CSPP1: variants seen among roughly 807,000 people sequenced by gnomAD.
The protein encoded by CSPP1 is centrosome and spindle pole-associated protein 1.
Under a neutral mutation model 164.4 loss-of-function variants are expected in CSPP1, and 126 were observed. That is an observed-to-expected ratio of 0.77 (90% CI 0.66 to 0.89). CSPP1 has a LOEUF of 0.89. CSPP1 is among the 40% of genes least tolerant of loss of function. The probability of loss-of-function intolerance (pLI) is 0.00; values close to 1 mark genes in which losing one functional copy is unlikely to be tolerated. For synonymous variants in CSPP1, 472 were observed against 476.7 expected (o/e 0.99, Z 0.13); for missense variants, 1,395 against 1,449.8 (o/e 0.96, Z 0.61).
intron 9 of CSPP1, among the ~76,000 whole-genome samples, chr8:67,107,048 T>G (rs1333025977): frequency 7.0e-6 from 1 of 142,220 alleles, no homozygotes; most frequent in Non-Finnish European, 1.5e-5. Context: ...TTATGTTTTG[T>G]TTTTTTTTTT....
intron 30 of CSPP1, 116 bp from the exon 31 acceptor site, chr8:67,195,266 A>G (rs1448298086): frequency 1.3e-6 from 1 of 758,098 alleles, no homozygotes; most frequent in Non-Finnish European, 2.4e-6. Flanking sequence ...AGAGTTCAGG[A>G]TATGAGACTG....
At position 67,076,542 on chromosome 8, in the gene CSPP1, A is replaced by G; in HGVS notation, c.160A>G (p.Asn54Asp). The G allele has an allele frequency of 6.2e-7, 1 of 1,603,364 alleles. No homozygotes were observed. The highest frequency in any genetic ancestry group is 8.5e-7 in the Non-Finnish European group (1 of 1,175,284). Reference protein sequence around the residue: ...SKILISMAKENIPPNSQQTRG... With the variant: ...SKILISMAKEDIPPNSQQTRG... ...GATACTGATCTCTATGGCTAAGGAA[A>G]ACATACCACCAAATAGTCAACAGAC... is the stretch of plus-strand genomic sequence containing the variant. The change falls in exon 3 of 31, where the codon AAC (asparagine) becomes GAC (aspartate). Residue 54 changes from asparagine to aspartate, a missense_variant. Physicochemically the swap from Asn to Asp is conservative, Grantham distance 23. Transcript: ENST00000678616.
At chr8:67,098,782 C>A (rs1364248361) in intron 7 of CSPP1, among the ~76,000 whole-genome samples, 1 of 151,810 alleles carries the variant, frequency 6.6e-6, no homozygotes, top group African/African-American at 2.4e-5. Context: ...TTACTTTAAC[C>A]AATGTTAATG....
intron 17 of CSPP1, among the ~76,000 whole-genome samples, chr8:67,141,728 T>C (rs1823546945): frequency 6.6e-6 from 1 of 152,150 alleles, no homozygotes; most frequent in African/African-American, 2.4e-5. Flanking sequence ...ACCATGTTGG[T>C]GGTCTTGAAC....
intron 19 of CSPP1, among the ~76,000 whole-genome samples, chr8:67,156,473 G>A (rs1826688593): frequency 6.6e-6 from 1 of 152,142 alleles, no homozygotes; most frequent in Non-Finnish European, 1.5e-5. Flanking sequence ...ATCTGTGAAT[G>A]GATTGCTTTC....
rs1004644700 is a variant in CSPP1 at position 67,164,657 on chromosome 8, G to A, written c.2828+149G>A. ...TTCTTTGTCTTTTACAAAATCAGCT[G>A]TAGAAATTTAGTTCTCAAGGGGATT... On this transcript the variant is annotated intron_variant, in intron 24 of 30. Coordinates refer to ENST00000678616, the MANE Select transcript of CSPP1 (RefSeq NM_001382391.1). 4 of 519,336 alleles carry A rather than the reference G, an allele frequency of 7.7e-6. No homozygotes were observed. In the Admixed American group the frequency reaches 8.7e-5, roughly 11 times the overall value. The allele number at this position is 519,336 out of a possible 1,614,324, so 32.2% of individuals were successfully genotyped here.
In CSPP1 at chr8:67,093,481, A is replaced by G. The variant is rs1177188520; in HGVS notation, c.385-62A>G. Reference sequence around the variant, plus strand: ...TTCAGATTTGACATTCTGATAGGACATTGAGGGATTTTTTTTTCCTGAAGT... The same window carrying G: ...TTCAGATTTGACATTCTGATAGGACGTTGAGGGATTTTTTTTTCCTGAAGT... On this transcript the variant is annotated intron_variant, in intron 5 of 30. Transcript: ENST00000678616. The G allele has an allele frequency of 1.1e-5, 11 of 987,640 alleles. No individual in the cohort carries two copies. The East Asian group carries it at 2.4e-4, about 22-fold the overall frequency. 61.2% of individuals were successfully genotyped at this position (987,640 alleles called of 1,614,324 possible). A position where few individuals can be genotyped will look rare whatever the true frequency, so the allele number is the denominator to read the frequency against.
At chr8:67,167,435 C>T (rs532806762) in intron 24 of CSPP1, among the ~76,000 whole-genome samples, 8 of 146,440 alleles carry the variant, frequency 5.5e-5, no homozygotes, top group East Asian at 2.1e-4. Flanking sequence ...GCTGGCCGGG[C>T]GGGGGCTGCC....
chr8:67,164,687 T>A (rs1828980146), intron 24 of CSPP1, among the ~76,000 whole-genome samples, 179 bp downstream of exon 24: 2 of 152,240 alleles, frequency 1.3e-5, no homozygotes, highest in South Asian at 4.1e-4. Flanking sequence ...GGGATTCATG[T>A]AGGAATGGAA....
chr8:67,080,008 T>G (rs746109727), intron 3 of CSPP1, among the ~76,000 whole-genome samples: 3 of 152,226 alleles, frequency 2.0e-5, no homozygotes, highest in Non-Finnish European at 2.9e-5. Flanking sequence ...ACATGGAATT[T>G]TATTAAAGAA....
chr8:67,091,346 T>G (rs1811566849), intron 4 of CSPP1, among the ~76,000 whole-genome samples: 1 of 152,210 alleles, frequency 6.6e-6, no homozygotes, highest in Admixed American at 6.5e-5. Flanking sequence ...TTTATATCTA[T>G]TGGCATTTCA....
rs1226391179 is a variant in CSPP1 at position 67,149,855 on chromosome 8, A to G, written c.2048A>G (p.Lys683Arg). The change falls in exon 18 of 31, where the codon AAA becomes AGA. Residue 683 changes from lysine to arginine, a missense_variant. Lys to Arg is a conservative substitution (Grantham distance 26). Coordinates refer to ENST00000678616, the MANE Select transcript of CSPP1 (RefSeq NM_001382391.1). ...CCAGATGCAAGAACATATGAAGATA[A>G]AAGGGCTGTTGTATCTCTAGACCCA... ...HNPDARTYED[K>R]RAVVSLDPNL... The G allele has an allele frequency of 1.9e-6, 3 of 1,609,328 alleles. No homozygotes were observed. The African/African-American group carries it at 4.0e-5, about 22-fold the overall frequency.
chr8:67,069,239 C>G (rs1806209934), intron 1 of CSPP1: 1 of 152,116 alleles, frequency 6.6e-6, no homozygotes, highest in Admixed American at 6.6e-5. Context: ...TCATTAGTGT[C>G]TTTGACTCTT....
chr8:67,186,557 A>G (rs983096894), intron 28 of CSPP1, among the ~76,000 whole-genome samples: 1 of 152,214 alleles, frequency 6.6e-6, no homozygotes, highest in African/African-American at 2.4e-5. Context: ...GATAAAGAAC[A>G]TCTACAAAAG....
chr8:67,166,487 G>A (rs1829327596), intron 24 of CSPP1, among the ~76,000 whole-genome samples: 1 of 152,044 alleles, frequency 6.6e-6, no homozygotes, highest in South Asian at 2.1e-4. Context: ...GTATTCTCCA[G>A]GAATATTGAA....
In CSPP1 at chr8:67,094,401, G is replaced by A. The variant is rs533239548; in HGVS notation, c.483+760G>A. On this transcript the variant is annotated intron_variant, in intron 6 of 30. Coordinates refer to ENST00000678616, the MANE Select transcript of CSPP1 (RefSeq NM_001382391.1). ...CGATTCTCCTGCCTCAGCCTCTGGA[G>A]TAGCTGGGATTACAGGTGCCTGCCA... Among the ~76,000 whole-genome samples the A allele has an allele frequency of 4.8e-4, 73 of 150,778 alleles. 3 individuals carry two copies. The South Asian group carries it at 0.015, about 32-fold the overall frequency.
rs1812565327 is a variant in CSPP1 at position 67,095,505 on chromosome 8, T to TA, written c.702dup (p.Ala235SerfsTer3). The TA allele has an allele frequency of 6.2e-7, 1 of 1,613,452 alleles. No individual in the cohort carries two copies. Among genetic ancestry groups the TA allele is most frequent in the Non-Finnish European group, 8.5e-7 (1 of 1,179,800 alleles). Reference sequence around the variant, plus strand: ...TCGAATTAAGGAATAGAAGAATTATTAAAAAAGCAAATGAAGAAGTGGGCA... The same window carrying TA: ...TCGAATTAAGGAATAGAAGAATTATTAAAAAAAGCAAATGAAGAAGTGGGCA... On this transcript the variant is annotated frameshift_variant, in exon 7 of 31. Transcript: ENST00000678616. LOFTEE classifies it high-confidence loss of function.
chr8:67,177,512 T>C (rs1831982520), intron 26 of CSPP1, among the ~76,000 whole-genome samples, 168 bp from the exon 27 acceptor site: 1 of 152,254 alleles, frequency 6.6e-6, no homozygotes, highest in African/African-American at 2.4e-5. Flanking sequence ...CTAGAATGGA[T>C]GCAGGGCTAT....
chr8:67,191,446 T>A (rs942468807), intron 29 of CSPP1, among the ~76,000 whole-genome samples: 1 of 152,268 alleles, frequency 6.6e-6, no homozygotes, highest in Admixed American at 6.5e-5. Context: ...AAAATAGCTT[T>A]GCTTTTTGCC....
Sources: allele counts gnomAD v4.1 joint callset (sites outside exome capture counted in the v4.1 genomes callset), GRCh38; gene constraint gnomAD v4.1.1; transcripts MANE v1.5; gene names NCBI Gene and HGNC (gene_info 2026-07-23, HGNC 2026-07-21).